The following HPSE2 variants were observed in gnomAD, a reference collection of about 807,000 sequenced individuals.
HPSE2 encodes the protein heparanase 2 (inactive).
A neutral mutation model predicts 60.5 loss-of-function variants in HPSE2; 38 were observed. The observed-to-expected ratio is 0.63, with a 90% CI of 0.48 to 0.82. The LOEUF is 0.82. Ranked by LOEUF, HPSE2 falls within the 40% of genes least tolerant of loss-of-function variation. The probability of loss-of-function intolerance (pLI) is 0.00; values close to 1 mark genes in which losing one functional copy is unlikely to be tolerated. For missense variants in HPSE2, 713 were observed against 740.4 expected (o/e 0.96, Z 0.43); for synonymous variants, 295 against 293.2 (o/e 1.01, Z -0.06).
chr10:99,151,702 G>A (rs559814873), intron 2 of HPSE2, among the ~76,000 whole-genome samples: 1 of 152,200 alleles, frequency 6.6e-6, no homozygotes, highest in Non-Finnish European at 1.5e-5. Flanking sequence ...GCAGTAGAAT[G>A]ACATTTACAA....
intron 2 of HPSE2, among the ~76,000 whole-genome samples, chr10:99,229,822 G>C (rs764058474): frequency 1.3e-5 from 2 of 152,132 alleles, no homozygotes; most frequent in African/African-American, 2.4e-5. Flanking sequence ...GCTTACTACA[G>C]GACCATTTCC....
intron 3 of HPSE2, among the ~76,000 whole-genome samples, chr10:98,837,308 A>G (rs1290264135): frequency 6.6e-6 from 1 of 152,166 alleles, no homozygotes; most frequent in Non-Finnish European, 1.5e-5. Context: ...GGAGAGACTT[A>G]GAGGCAGTAA....
chr10:98,572,323 A>G (rs1190776225), intron 9 of HPSE2, among the ~76,000 whole-genome samples: 1 of 152,120 alleles, frequency 6.6e-6, no homozygotes, highest in Non-Finnish European at 1.5e-5. Flanking sequence ...TTAAGGAGAG[A>G]TACTATAATT....
chr10:99,207,093 C>A (rs1311879655), intron 2 of HPSE2, among the ~76,000 whole-genome samples: 3 of 152,052 alleles, frequency 2.0e-5, no homozygotes, highest in African/African-American at 7.2e-5. Context: ...AATAAGACTA[C>A]AAGGCATTTT....
chr10:98,493,831 G>C lies in HPSE2; in HGVS notation c.1321-3635C>G, dbSNP rs372991565. On this transcript the variant is annotated intron_variant, in intron 9 of 11. Coordinates refer to ENST00000370552, the MANE Select transcript of HPSE2 (RefSeq NM_021828.5). The stretch of plus-strand genomic sequence containing the variant: ...AAGGAGGGACATCTGTCATTTTGCT[G>C]TTTTCTATGTTACAGCTTTTTTGTA... Among the ~76,000 whole-genome samples the C allele has an allele frequency of 4.6e-5, 7 of 152,052 alleles. No individual in the cohort carries two copies. In the East Asian group the frequency reaches 9.6e-4, roughly 21 times the overall value.
chr10:98,923,067 T>C (rs907256083), intron 3 of HPSE2, among the ~76,000 whole-genome samples: 2 of 152,234 alleles, frequency 1.3e-5, no homozygotes, highest in Non-Finnish European at 2.9e-5. Context: ...CTCTCTAGCC[T>C]TTCTTATAGG....
chr10:99,021,821 C>T (rs1589530573), intron 3 of HPSE2, among the ~76,000 whole-genome samples: 2 of 60,388 alleles, frequency 3.3e-5, no homozygotes, highest in African/African-American at 6.1e-5. Flanking sequence ...ACTATCTACA[C>T]CAAAAAAAAA....
At chr10:99,241,762 A>C in the HPSE2 span, among the ~76,000 whole-genome samples, 3 of 152,222 alleles carry the variant, frequency 2.0e-5, no homozygotes, top group Non-Finnish European at 2.9e-5. Flanking sequence ...CCTTATCTCA[A>C]AAAAATAAAA....
Position 98,561,162 on chromosome 10 carries a change from T to G in HPSE2, c.1320+53742A>C, listed in dbSNP as rs1225263924. 6.7e-3 allele frequency among the ~76,000 whole-genome samples: 334 copies of G among 49,868 alleles called. 4 individuals carry two copies. Among genetic ancestry groups the G allele is most frequent in the Non-Finnish European group, 0.015 (249 of 16,306 alleles). The allele number at this position is 49,868 out of a possible 152,430, so 32.7% of individuals were successfully genotyped here. ...CAAGAAAGTGATACTGGTTTTTTTT[T>G]TTGTTCTTTTTTTTGTTTTTTTGAC... On this transcript the variant is annotated intron_variant, in intron 9 of 11. Coordinates refer to ENST00000370552, the MANE Select transcript of HPSE2 (RefSeq NM_021828.5).
At chr10:98,734,848 T>C (rs1589732197) in intron 4 of HPSE2, among the ~76,000 whole-genome samples, 1 of 151,408 alleles carries the variant, frequency 6.6e-6, no homozygotes, top group East Asian at 2.0e-4. Flanking sequence ...TACAGAAAAT[T>C]GAGTAGACAG....
At chr10:99,104,256 A>T (rs1218337113) in intron 3 of HPSE2, among the ~76,000 whole-genome samples, 1 of 152,126 alleles carries the variant, frequency 6.6e-6, no homozygotes, top group Non-Finnish European at 1.5e-5. Flanking sequence ...GCTAATATCC[A>T]GGTTCTACAA....
chr10:99,166,532 T>C (rs182319826), intron 2 of HPSE2, among the ~76,000 whole-genome samples: 1 of 152,284 alleles, frequency 6.6e-6, no homozygotes, highest in Admixed American at 6.5e-5. Flanking sequence ...TTGTGGTATT[T>C]TCAGTTATCT....
At chr10:99,226,049 C>A (rs1354050514) in intron 2 of HPSE2, among the ~76,000 whole-genome samples, 1 of 151,800 alleles carries the variant, frequency 6.6e-6, no homozygotes, top group Non-Finnish European at 1.5e-5. Flanking sequence ...TGTAAATAGG[C>A]TTCTATAAAA....
chr10:98,571,962 G>A (rs1184125689), intron 9 of HPSE2, among the ~76,000 whole-genome samples: 11 of 29,466 alleles, frequency 3.7e-4, no homozygotes, highest in African/African-American at 8.3e-4. Context: ...TTTTTGAGAC[G>A]GAGTCTCGTT....
intron 3 of HPSE2, among the ~76,000 whole-genome samples, chr10:98,890,616 T>C (rs1340328671): frequency 1.3e-5 from 2 of 152,106 alleles, no homozygotes; most frequent in Non-Finnish European, 2.9e-5. Context: ...TAATGCATTG[T>C]AAAACAAATA....
chr10:98,970,082 C>T (rs1313395760), intron 3 of HPSE2, among the ~76,000 whole-genome samples: 1 of 152,048 alleles, frequency 6.6e-6, no homozygotes, highest in African/African-American at 2.4e-5. Context: ...CTGCCTCATC[C>T]TCCCAAGTAG....
At chr10:99,291,582 G>GA in the HPSE2 span, among the ~76,000 whole-genome samples, 24 of 115,796 alleles carry the variant, frequency 2.1e-4, no homozygotes, top group South Asian at 6.0e-4. Flanking sequence ...GACTCCATCT[G>GA]AAAAAAAAAA....
chr10:98,521,667 A>G (rs2133774552), intron 9 of HPSE2, among the ~76,000 whole-genome samples: 1 of 152,358 alleles, frequency 6.6e-6, no homozygotes, highest in South Asian at 2.1e-4. Context: ...CCATGCTGCT[A>G]TAAAGACACA....
intron 3 of HPSE2, among the ~76,000 whole-genome samples, chr10:98,872,659 G>C (rs1952764919): frequency 6.6e-6 from 1 of 152,020 alleles, no homozygotes; most frequent in Non-Finnish European, 1.5e-5. Context: ...GTGGTACATA[G>C]ACAATATTTT....
Sources: allele counts gnomAD v4.1 joint callset (sites outside exome capture counted in the v4.1 genomes callset), GRCh38; gene constraint gnomAD v4.1.1; transcripts MANE v1.5; gene names NCBI Gene and HGNC (gene_info 2026-07-23, HGNC 2026-07-21).